NR2C2: variants seen among roughly 807,000 people sequenced by gnomAD.
NR2C2 encodes the protein nuclear receptor subfamily 2 group C member 2, also known as Nuclear hormone receptor TR4.
Under a neutral mutation model 62.9 loss-of-function variants are expected in NR2C2, and 6 were observed. The ratio of observed to expected loss-of-function variants is 0.10; its 90% CI spans 0.05 to 0.19. The LOEUF (loss-of-function observed/expected upper bound fraction) is 0.19, where lower values mean the gene tolerates loss of function less well. Among genes scored for constraint, NR2C2 ranks in the 10% least tolerant of loss-of-function variants. The probability of loss-of-function intolerance (pLI) is 1.00; values close to 1 mark genes in which losing one functional copy is unlikely to be tolerated. For synonymous variants in NR2C2, 272 were observed against 273.8 expected, an observed-to-expected ratio of 0.99 and a Z score of 0.07; for missense variants, 479 against 762.7, an observed-to-expected ratio of 0.63 and a Z score of 4.38.
chr3:14,983,438 G>A (rs1478871267), intron 1 of NR2C2, among the ~76,000 whole-genome samples: 1 of 147,284 alleles, frequency 6.8e-6, no homozygotes, highest in African/African-American at 2.5e-5. Flanking sequence ...CAACTTGATA[G>A]GTTAATCTGG....
intron 1 of NR2C2, chr3:14,948,776 T>C (rs1213514125): frequency 6.6e-6 from 1 of 152,274 alleles, no homozygotes; most frequent in Non-Finnish European, 1.5e-5. Context: ...GAAGAGGTTT[T>C]CGGAACCAGG....
rs373045181 is a variant in NR2C2 at position 15,037,209 on chromosome 3, TTG to T, written c.1373-761_1373-760del. On this transcript the variant is annotated intron_variant, in intron 11 of 13. Coordinates refer to ENST00000425241, the MANE Select transcript of NR2C2 (RefSeq NM_001291694.2). ...TTTTTGTTGTGTTATTGTTTTTTGT[TTG>T]TGTGTGTGTGTGTGTGTGTGTGTGT... 5.8e-3 allele frequency among the ~76,000 whole-genome samples: 751 copies of T among 130,008 alleles called. 3 individuals are homozygous for T. Among genetic ancestry groups the T allele is most frequent in the African/African-American group, 0.01 (352 of 33,864 alleles). 85.3% of individuals were successfully genotyped at this position (130,008 alleles called of 152,430 possible). A position where few individuals can be genotyped will look rare whatever the true frequency, so the allele number is the denominator to read the frequency against.
At chr3:14,961,688 A>G (rs182053797) in intron 1 of NR2C2, among the ~76,000 whole-genome samples, 15 of 152,248 alleles carry the variant, frequency 9.9e-5, no homozygotes, top group East Asian at 1.9e-4. Flanking sequence ...AAACTAGCAC[A>G]CTCTTTGATC....
At chr3:14,954,813 CTG>C (rs1559525192) in intron 1 of NR2C2, among the ~76,000 whole-genome samples, 1 of 151,992 alleles carries the variant, frequency 6.6e-6, no homozygotes, top group African/African-American at 2.4e-5. Flanking sequence ...ATTCATCAAA[CTG>C]TTCATTTACG....
At chr3:15,035,716 C>T (rs1373769021) in intron 11 of NR2C2, among the ~76,000 whole-genome samples, 2 of 152,068 alleles carry the variant, frequency 1.3e-5, no homozygotes, top group Non-Finnish European at 2.9e-5. Context: ...ATGGTGAAAC[C>T]CCTTCTCTAC....
intron 1 of NR2C2, chr3:14,962,272 C>T (rs946189795): frequency 6.6e-6 from 1 of 152,624 alleles, no homozygotes; most frequent in African/African-American, 2.4e-5. Flanking sequence ...ACAGATAGGT[C>T]TAGCTTGCTA....
chr3:15,039,096 G>GC (rs1553575025), intron 12 of NR2C2, 26 bp from the exon 13 acceptor site: 6 of 1,123,032 alleles, frequency 5.3e-6, no homozygotes, highest in Middle Eastern at 2.1e-4. Flanking sequence ...AGAGGGAACT[G>GC]GGGGGGGGTA....
intron 2 of NR2C2, among the ~76,000 whole-genome samples, chr3:15,005,368 CTTTTTTTTTTT>C (rs761731325): frequency 1.2e-5 from 1 of 83,056 alleles, no homozygotes; most frequent in Admixed American, 1.5e-4. Context: ...ACGCATAATG[CTTTTTTTTTTT>C]TTTTTTTTTT....
intron 13 of NR2C2, among the ~76,000 whole-genome samples, chr3:15,041,414 T>C (rs902873097): frequency 7.2e-5 from 11 of 152,152 alleles, no homozygotes; most frequent in African/African-American, 2.4e-4. Context: ...CAGCGACTCA[T>C]TGTGGCTGAG....
rs1275151917 is a variant in NR2C2, at chr3:15,048,826, C to G, written c.*5818C>G. 1 of 152,620 alleles carries G rather than the reference C, an allele frequency of 6.6e-6. No individual in the cohort carries two copies. Among genetic ancestry groups the G allele is most frequent in the Non-Finnish European group, 1.5e-5 (1 of 68,034 alleles). The allele number at this position is 152,620 out of a possible 1,614,324, so 9.5% of individuals were successfully genotyped here. A position where few individuals can be genotyped will look rare whatever the true frequency, so the allele number is the denominator to read the frequency against. On this transcript the variant is annotated 3_prime_UTR_variant, in exon 14 of 14. Transcript: ENST00000425241. The stretch of plus-strand genomic sequence containing the variant: ...GTTTTTACCTGTAGTTTGGACTTCT[C>G]TGTTAGAATGTAACTGCATTACCAG...
intron 12 of NR2C2, 123 bp from the exon 13 acceptor site, chr3:15,038,999 C>G (rs975118802): frequency 1.1e-5 from 8 of 706,162 alleles, no homozygotes; most frequent in Non-Finnish European, 2.0e-5. Flanking sequence ...CTAGATCAGT[C>G]TTTGAGTTCA....
rs370842707 is a variant in NR2C2 at position 15,038,165 on chromosome 3, C to G, written c.1510+28C>G. On this transcript the variant is annotated intron_variant, in intron 12 of 13. Coordinates refer to ENST00000425241, the MANE Select transcript of NR2C2 (RefSeq NM_001291694.2). The stretch of plus-strand genomic sequence containing the variant: ...AAGATATGCGGTGGGGATGCATGAC[C>G]CCTTTCCACCTGTATCTACTGATGT... 5.7e-6 allele frequency: 9 copies of G among 1,588,128 alleles called. No individual in the cohort carries two copies. In the African/African-American group the frequency reaches 9.5e-5, roughly 17 times the overall value.
chr3:14,997,308 A>G (rs1048503179), intron 1 of NR2C2, among the ~76,000 whole-genome samples: 1 of 152,248 alleles, frequency 6.6e-6, no homozygotes, highest in East Asian at 1.9e-4. Context: ...AGTACATGTT[A>G]TCATGTTCAC....
chr3:14,958,026 T>TG (rs898250189), intron 1 of NR2C2, among the ~76,000 whole-genome samples: 6 of 152,218 alleles, frequency 3.9e-5, no homozygotes, highest in African/African-American at 1.4e-4. Context: ...TGTCTTTCCT[T>TG]GCTACATTTC....
chr3:15,001,373 C>T (rs1478294129), intron 1 of NR2C2, among the ~76,000 whole-genome samples: 4 of 114,822 alleles, frequency 3.5e-5, no homozygotes, highest in African/African-American at 1.0e-4. Flanking sequence ...TCACTCATGT[C>T]GCTCAGGCTG....
At chr3:15,036,235 A>AC (rs1241316287) in intron 11 of NR2C2, among the ~76,000 whole-genome samples, 1 of 151,962 alleles carries the variant, frequency 6.6e-6, no homozygotes, top group Non-Finnish European at 1.5e-5. Context: ...CACCATGCTG[A>AC]CCCCCTAGTC....
In NR2C2 at chr3:15,003,960, G is replaced by A. The variant is rs767451790; in HGVS notation, c.46G>A (p.Ala16Thr). Reference protein sequence around the residue: ...PRIQIISTDSAVASPQRIQIV... With the variant: ...PRIQIISTDSTVASPQRIQIV... Reference sequence around the variant, plus strand: ...CATCCAGATAATCTCCACCGACTCTGCTGTAGCCTCACCTCAGCGCATTCA... The same window carrying A: ...CATCCAGATAATCTCCACCGACTCTACTGTAGCCTCACCTCAGCGCATTCA... Residue 16 changes from alanine to threonine, a missense_variant, in exon 2 of 14, where the codon GCT (alanine) becomes ACT (threonine). This residue lies in a region of NR2C2 where 115 missense variants were observed against 152.3 expected (regional missense o/e 0.76). Transcript: ENST00000425241. The A allele has an allele frequency of 1.2e-6, 2 of 1,613,200 alleles. No individual in the cohort carries two copies. The highest frequency in any genetic ancestry group is 1.7e-6 in the Non-Finnish European group (2 of 1,179,686).
At chr3:14,970,525 TC>T (rs1217988694) in intron 1 of NR2C2, among the ~76,000 whole-genome samples, 2 of 152,158 alleles carry the variant, frequency 1.3e-5, no homozygotes, top group African/African-American at 2.4e-5. Context: ...CACCATTCTT[TC>T]CATGTCTCTG....
chr3:14,974,112 C>G (rs1311639537), intron 1 of NR2C2, among the ~76,000 whole-genome samples: 21 of 152,302 alleles, frequency 1.4e-4, no homozygotes. Context: ...CCCCTTCCCC[C>G]ACCCTCACAA....
Sources: gnomAD v4.1 joint callset for allele counts (sites outside exome capture counted in the v4.1 genomes callset) on GRCh38, gnomAD v4.1.1 for gene constraint, gnomAD v4.1.1 regional missense constraint, MANE v1.5 for transcripts, NCBI Gene and HGNC (gene_info 2026-07-23, HGNC 2026-07-21) for gene names.